Variants in PCDHA9 observed in about 807,000 individuals in gnomAD.
PCDHA9 encodes protocadherin alpha 9.
PCDHA9 carries 62 observed loss-of-function variants against 62.0 expected under a neutral mutation model. That is an observed-to-expected ratio of 1.00 (90% confidence interval 0.81 to 1.23). The LOEUF (loss-of-function observed/expected upper bound fraction) is 1.23, where lower values mean the gene tolerates loss of function less well. Ranked by LOEUF, PCDHA9 falls within the 50% of genes most tolerant of loss-of-function variation. The pLI is 0.00. For synonymous variants in PCDHA9, 557 were observed against 567.6 expected, an observed-to-expected ratio of 0.98 and a Z score of 0.27; for missense variants, 1,205 against 1,249.8, an observed-to-expected ratio of 0.96 and a Z score of 0.54.
chr5:140,888,324 T>C (rs1191192546), intron 1 of PCDHA9, among the ~76,000 whole-genome samples: 1 of 152,152 alleles, frequency 6.6e-6, no homozygotes, highest in East Asian at 1.9e-4. Flanking sequence ...CCTGGATACA[T>C]TTTTGGTTAT....
intron 1 of PCDHA9, chr5:140,861,392 G>A (rs2046897620): frequency 2.2e-6 from 1 of 451,822 alleles, no homozygotes; most frequent in Non-Finnish European, 4.5e-6. Context: ...ACCTGGGTCT[G>A]GAGCTTGTGG....
intron 1 of PCDHA9, chr5:140,866,782 C>A (rs1318646938): frequency 1.3e-5 from 2 of 152,160 alleles, no homozygotes; most frequent in Admixed American, 6.5e-5. Context: ...TATGTCCTGA[C>A]TGATATAGTA....
intron 1 of PCDHA9, among the ~76,000 whole-genome samples, chr5:140,948,369 TG>T (rs1209104577): frequency 7.9e-5 from 12 of 151,580 alleles, no homozygotes; most frequent in Non-Finnish European, 3.0e-5. Context: ...ACTTAGGAGG[TG>T]TTCCTTCCTC....
intron 1 of PCDHA9, chr5:140,856,399 T>C (rs782023286): frequency 6.3e-7 from 1 of 1,598,492 alleles, no homozygotes; most frequent in Non-Finnish European, 8.6e-7. Context: ...AGGTTTTCCA[T>C]GTGGACGTGG....
intron 1 of PCDHA9, among the ~76,000 whole-genome samples, chr5:140,905,243 T>C (rs962108553): frequency 7.2e-5 from 11 of 152,184 alleles, no homozygotes; most frequent in Non-Finnish European, 1.5e-4. Context: ...CCAGTTTCAT[T>C]CTTCCACATG....
rs1478776734 is a variant in PCDHA9 at position 141,010,917 on chromosome 5, A to G, written c.*980A>G. ...TACAATTCCCCTAAACTCTCCTCAA[A>G]AGAGAATTCAGTCTACAGCCATTTA... On this transcript the variant is annotated 3_prime_UTR_variant, in exon 4 of 4. Coordinates refer to ENST00000532602, the MANE Select transcript of PCDHA9 (RefSeq NM_031857.2). The G allele has an allele frequency of 6.5e-6, 1 of 153,776 alleles. No homozygotes were observed. The highest frequency in any genetic ancestry group is 1.5e-5 in the Non-Finnish European group (1 of 68,048). The allele number at this position is 153,776 out of a possible 1,614,324, so 9.5% of individuals were successfully genotyped here.
At chr5:140,862,678 C>T (rs1490436756) in intron 1 of PCDHA9, 1 of 550,784 alleles carries the variant, frequency 1.8e-6, no homozygotes, top group Non-Finnish European at 3.6e-6. Context: ...GGAGAACGTG[C>T]TGGTGTCCTA....
At chr5:140,858,788 T>C (rs528259521) in intron 1 of PCDHA9, 5 of 390,400 alleles carry the variant, frequency 1.3e-5, no homozygotes, top group Middle Eastern at 1.4e-3. Flanking sequence ...TCATGTTATT[T>C]CATTTCCAAT....
intron 1 of PCDHA9, chr5:140,882,561 G>T (rs2059195927): frequency 1.2e-6 from 2 of 1,614,222 alleles, no homozygotes; most frequent in East Asian, 4.5e-5. Context: ...CTGTGTGGGC[G>T]GAGCGCGGAG....
chr5:140,918,585 T>A (rs147777186), intron 1 of PCDHA9, among the ~76,000 whole-genome samples: 51 of 152,368 alleles, frequency 3.3e-4, no homozygotes, highest in African/African-American at 9.9e-4. Context: ...ATTGGCTATA[T>A]GTTCTATAGA....
At chr5:140,946,720 A>C (rs1460843213) in intron 1 of PCDHA9, among the ~76,000 whole-genome samples, 4 of 150,970 alleles carry the variant, frequency 2.6e-5, no homozygotes, top group African/African-American at 9.8e-5. Flanking sequence ...ATGTTTAGTT[A>C]AATAAGCCAG....
At chr5:140,936,311 T>C (rs1451314089) in intron 1 of PCDHA9, among the ~76,000 whole-genome samples, 1 of 152,228 alleles carries the variant, frequency 6.6e-6, no homozygotes, top group African/African-American at 2.4e-5. Flanking sequence ...AATAGAACTT[T>C]CTGACATGCT....
chr5:140,883,369 C>A (rs781885590), intron 1 of PCDHA9: 4 of 1,614,064 alleles, frequency 2.5e-6, no homozygotes, highest in Non-Finnish European at 1.7e-6. Context: ...AGCCTAGCGC[C>A]ATTATTGCCC....
intron 1 of PCDHA9, chr5:140,860,693 G>C (rs2046523245): frequency 6.6e-6 from 1 of 152,204 alleles, no homozygotes; most frequent in Non-Finnish European, 1.5e-5. Context: ...TTGAGCGACA[G>C]GATATTGTTG....
chr5:141,000,421 A>AT lies in PCDHA9; in HGVS notation c.2543-9183dup, dbSNP rs34755515. Reference sequence around the variant, plus strand: ...TATATATATATATATATATATATATATTTTTTTTTTTTTTTTTTTTTTTGA... The same window carrying AT: ...TATATATATATATATATATATATATATTTTTTTTTTTTTTTTTTTTTTTTGA... On this transcript the variant is annotated intron_variant, in intron 3 of 3. Transcript: ENST00000532602. 8.6e-3 allele frequency among the ~76,000 whole-genome samples: 241 copies of AT among 27,996 alleles called. 11 individuals carry two copies. The highest frequency in any genetic ancestry group is 9.4e-3 in the African/African-American group (53 of 5,644). The allele number at this position is 27,996 out of a possible 152,430, so 18.4% of individuals were successfully genotyped here.
chr5:141,000,419 A>ATTTTT (rs1563652468), intron 3 of PCDHA9, among the ~76,000 whole-genome samples: 15 of 60,994 alleles, frequency 2.5e-4, no homozygotes, highest in East Asian at 5.4e-4. Flanking sequence ...ATATATATAT[A>ATTTTT]TATTTTTTTT....
chr5:140,897,424 T>G (rs2066099863), intron 1 of PCDHA9, among the ~76,000 whole-genome samples: 1 of 148,866 alleles, frequency 6.7e-6, no homozygotes, highest in Non-Finnish European at 1.5e-5. Flanking sequence ...CATCTATGAG[T>G]GAGAACATGC....
intron 2 of PCDHA9, chr5:140,982,242 AAAG>A (rs2096973421): frequency 2.9e-6 from 2 of 701,584 alleles, no homozygotes; most frequent in African/African-American, 3.6e-5. Flanking sequence ...GAATTGCCAT[AAAG>A]ATAGAACATG....
At chr5:140,995,629 T>C (rs1333793289) in intron 3 of PCDHA9, among the ~76,000 whole-genome samples, 1 of 152,164 alleles carries the variant, frequency 6.6e-6, no homozygotes, top group Admixed American at 6.5e-5. Context: ...TTGGAAACTT[T>C]GGAGTGTTTA....
Sources: gnomAD v4.1 joint callset for allele counts (sites outside exome capture counted in the v4.1 genomes callset) on GRCh38, gnomAD v4.1.1 for gene constraint, MANE v1.5 for transcripts, NCBI Gene and HGNC (gene_info 2026-07-23, HGNC 2026-07-21) for gene names.